AGAP1: variants seen among roughly 807,000 people sequenced by gnomAD.
AGAP1 encodes the protein ArfGAP with GTPase domain, ankyrin repeat and PH domain 1.
In AGAP1, 29 loss-of-function variants were observed where a neutral mutation model predicts 105.3. That is an observed-to-expected ratio of 0.28 (90% CI 0.21 to 0.38). The LOEUF is 0.38. Ranked by LOEUF, AGAP1 falls within the 10% of genes least tolerant of loss-of-function variation. AGAP1 has a pLI of 1.00. For synonymous variants in AGAP1, 509 were observed against 485.9 expected (o/e 1.05, Z -0.63); for missense variants, 998 against 1,165.1 (o/e 0.86, Z 2.09).
intron 1 of AGAP1, among the ~76,000 whole-genome samples, chr2:235,650,095 C>T (rs1042492624): frequency 1.3e-5 from 2 of 152,220 alleles, no homozygotes; most frequent in African/African-American, 4.8e-5. Context: ...GGGATGGTGG[C>T]TCACGCCTGA....
intron 1 of AGAP1, among the ~76,000 whole-genome samples, chr2:235,661,314 G>A (rs975370172): frequency 5.3e-5 from 8 of 152,106 alleles, no homozygotes; most frequent in Non-Finnish European, 1.2e-4. Flanking sequence ...GGACGTAATC[G>A]AGTGTTTTCC....
At chr2:235,718,480 T>C (rs536482943) in intron 3 of AGAP1, 1 of 811,586 alleles carries the variant, frequency 1.2e-6, no homozygotes, top group African/African-American at 1.9e-5. Context: ...TTCCCTTCCC[T>C]CCTTGTTCTG....
chr2:235,910,827 G>GA (rs898220184), intron 11 of AGAP1, among the ~76,000 whole-genome samples: 7 of 151,958 alleles, frequency 4.6e-5, no homozygotes, highest in African/African-American at 1.4e-4. Flanking sequence ...TAAGGCAGGG[G>GA]AATCGCTTAA....
At chr2:235,945,848 C>T (rs1195189409) in intron 12 of AGAP1, among the ~76,000 whole-genome samples, 1 of 142,058 alleles carries the variant, frequency 7.0e-6, no homozygotes, top group Non-Finnish European at 1.5e-5. Context: ...AACTTACCAT[C>T]ATGGCAGAAG....
intron 9 of AGAP1, among the ~76,000 whole-genome samples, chr2:235,847,755 G>A (rs765037394): frequency 1.3e-5 from 2 of 152,184 alleles, no homozygotes; most frequent in African/African-American, 2.4e-5. Context: ...GACGCCTAAC[G>A]TGTATCTCAT....
chr2:235,674,684 G>A (rs1457552962), intron 1 of AGAP1, among the ~76,000 whole-genome samples: 2 of 151,190 alleles, frequency 1.3e-5, no homozygotes, highest in African/African-American at 4.9e-5. Context: ...ATTACTGTAG[G>A]GTGATAGACT....
Position 235,982,737 on chromosome 2 carries a change from C to T in AGAP1, c.1645+14114C>T, listed in dbSNP as rs2055150909. Among the ~76,000 whole-genome samples, 1 of 152,212 alleles carries T rather than the reference C, an allele frequency of 6.6e-6. No homozygotes were observed. The highest frequency in any genetic ancestry group is 6.5e-5 in the Admixed American group (1 of 15,288). On this transcript the variant is annotated intron_variant, in intron 13 of 17. Coordinates refer to ENST00000304032, the MANE Select transcript of AGAP1 (RefSeq NM_001037131.3). This position sits in a 1 kb window ranked among gnomAD's most constrained non-coding sequence, Gnocchi z 4.9. ...TCTTTCCAGACTTCCACCATTGTGCCCTGAGTGGTTCCAGAATGTCATTGA... is the reference window on the plus strand; with the variant it reads ...TCTTTCCAGACTTCCACCATTGTGCTCTGAGTGGTTCCAGAATGTCATTGA...
chr2:235,600,542 C>T lies in AGAP1; in HGVS notation c.163+105693C>T, dbSNP rs953299306. 2.0e-5 allele frequency among the ~76,000 whole-genome samples: 3 copies of T among 152,142 alleles called. No homozygotes were observed. The highest frequency in any genetic ancestry group is 2.4e-5 in the African/African-American group (1 of 41,424). ...AGGGGAGTTTATTAAGGAGTATTAA[C>T]TCACAGGATCACAAGGTCCCACAAT... On this transcript the variant is annotated intron_variant, in intron 1 of 17. Coordinates refer to ENST00000304032, the MANE Select transcript of AGAP1 (RefSeq NM_001037131.3). The surrounding 1 kb of genome is among the most constrained non-coding windows in gnomAD (Gnocchi z 4.8).
chr2:235,648,103 G>A (rs1393235041), intron 1 of AGAP1, among the ~76,000 whole-genome samples: 1 of 152,206 alleles, frequency 6.6e-6, no homozygotes, highest in Non-Finnish European at 1.5e-5. Flanking sequence ...TTTAGCTTTA[G>A]CTAATTACAT....
rs73118063 is a variant in AGAP1 at position 235,975,322 on chromosome 2, G to A, written c.1645+6699G>A. 8.2e-3 allele frequency among the ~76,000 whole-genome samples: 1,248 copies of A among 152,138 alleles called. 21 individuals carry two copies. The highest frequency in any genetic ancestry group is 0.028 in the African/African-American group (1,177 of 41,500). On this transcript the variant is annotated intron_variant, in intron 13 of 17. Transcript: ENST00000304032. ...CACTTTGGAGAGAAATTAAAGAATC[G>A]TGCATGCATATCGTACAGTGTTGTT...
chr2:236,009,822 GA>G lies in AGAP1; in HGVS notation c.1646-26738del, dbSNP rs1371494798. Among the ~76,000 whole-genome samples, 1 of 152,170 alleles carries G rather than the reference GA, an allele frequency of 6.6e-6. No individual in the cohort carries two copies. The highest frequency in any genetic ancestry group is 2.4e-5 in the African/African-American group (1 of 41,432). On this transcript the variant is annotated intron_variant, in intron 13 of 17. Coordinates refer to ENST00000304032, the MANE Select transcript of AGAP1 (RefSeq NM_001037131.3). The surrounding 1 kb of genome is among the most constrained non-coding windows in gnomAD (Gnocchi z 4.2). ...CGTCCAACATGGCTGACGCGCCTTGGACACACAGCCTCGGCGCTGCATCATT... is the reference window on the plus strand; with the variant it reads ...CGTCCAACATGGCTGACGCGCCTTGGCACACAGCCTCGGCGCTGCATCATT...
intron 9 of AGAP1, among the ~76,000 whole-genome samples, chr2:235,870,037 C>G (rs943541010): frequency 1.1e-4 from 16 of 152,206 alleles, no homozygotes; most frequent in Non-Finnish European, 2.2e-4. Context: ...AGTGATCACA[C>G]AGGATATGAG....
At chr2:235,805,921 C>T (rs1345881522) in intron 8 of AGAP1, among the ~76,000 whole-genome samples, 2 of 152,196 alleles carry the variant, frequency 1.3e-5, no homozygotes. Flanking sequence ...CTCTTATCAC[C>T]ATCTGAGAAG....
intron 1 of AGAP1, among the ~76,000 whole-genome samples, chr2:235,629,863 CAAA>C (rs10691632): frequency 5.2e-5 from 5 of 95,654 alleles, no homozygotes; most frequent in Admixed American, 1.3e-4. Context: ...GACCCTGTCT[CAAA>C]AAAAAAAAAA....
In AGAP1 at chr2:236,114,657, C is replaced by T. The variant is rs939736274; in HGVS notation, c.2115-5535C>T. The stretch of plus-strand genomic sequence containing the variant: ...CCGGGTGTGCTCAGAGGGAGAGAGA[C>T]ATCACCAGTGTCTCGTCCTCTTATA... On this transcript the variant is annotated intron_variant, in intron 16 of 17. Coordinates refer to ENST00000304032, the MANE Select transcript of AGAP1 (RefSeq NM_001037131.3). This position sits in a 1 kb window ranked among gnomAD's most constrained non-coding sequence, Gnocchi z 5.0. 9.9e-5 allele frequency among the ~76,000 whole-genome samples: 15 copies of T among 152,146 alleles called. No individual in the cohort carries two copies. The highest frequency in any genetic ancestry group is 3.6e-4 in the African/African-American group (15 of 41,438).
At chr2:235,858,526 T>C (rs943417629) in intron 9 of AGAP1, among the ~76,000 whole-genome samples, 4 of 152,162 alleles carry the variant, frequency 2.6e-5, no homozygotes, top group African/African-American at 9.7e-5. Context: ...AGGGGGAAAA[T>C]GTTTTAAAAC....
At chr2:236,091,082 G>T (rs189659967) in intron 16 of AGAP1, among the ~76,000 whole-genome samples, 2 of 152,328 alleles carry the variant, frequency 1.3e-5, no homozygotes, top group East Asian at 3.9e-4. Context: ...TCAATCCGCT[G>T]CCTGCATGCC....
At chr2:235,999,975 C>T (rs2056043276) in intron 13 of AGAP1, among the ~76,000 whole-genome samples, 2 of 152,128 alleles carry the variant, frequency 1.3e-5, no homozygotes, top group South Asian at 4.1e-4. Flanking sequence ...CGAATAGTCT[C>T]ATAGACCATT....
intron 1 of AGAP1, chr2:235,670,219 G>T: frequency 1.7e-6 from 1 of 571,586 alleles, no homozygotes; most frequent in Non-Finnish European, 3.2e-6. Flanking sequence ...GGAAGGAGCA[G>T]CTGGCCGCGC....
Sources: allele counts gnomAD v4.1 joint callset (sites outside exome capture counted in the v4.1 genomes callset), GRCh38; gene constraint gnomAD v4.1.1; non-coding constraint Gnocchi (gnomAD v3.1); transcripts MANE v1.5; gene names NCBI Gene and HGNC (gene_info 2026-07-23, HGNC 2026-07-21).